Variants in KHDRBS3 observed in about 807,000 individuals in gnomAD.
KHDRBS3 encodes the protein KH RNA binding domain containing, signal transduction associated 3, also known as KH domain-containing, RNA-binding, signal transduction-associated protein 3.
In KHDRBS3, 23 loss-of-function variants were observed where a neutral mutation model predicts 45.6. The ratio of observed to expected loss-of-function variants is 0.50; its 90% CI spans 0.36 to 0.72. The LOEUF (loss-of-function observed/expected upper bound fraction) is 0.72. Ranked by LOEUF, KHDRBS3 falls within the 30% of genes least tolerant of loss-of-function variation. KHDRBS3 has a pLI of 0.00. For missense variants in KHDRBS3, 352 were observed against 424.8 expected, an observed-to-expected ratio of 0.83 and a Z score of 1.51; for synonymous variants, 162 against 156.5, an observed-to-expected ratio of 1.04 and a Z score of -0.26.
intron 7 of KHDRBS3, among the ~76,000 whole-genome samples, chr8:135,635,284 G>A (rs537126446): frequency 1.3e-5 from 2 of 152,348 alleles, no homozygotes; most frequent in East Asian, 1.9e-4. Context: ...TGGAACAACA[G>A]ATGTGTCACT....
chr8:135,653,254 G>T (rs1831466016), intron 4 of KHDRBS3, among the ~76,000 whole-genome samples: 1 of 152,132 alleles, frequency 6.6e-6, no homozygotes, highest in African/African-American at 2.4e-5. Context: ...AAAGATAGAA[G>T]AACCATGTCT....
At chr8:135,640,910 T>C (rs1247348791) in intron 7 of KHDRBS3, among the ~76,000 whole-genome samples, 8 of 152,178 alleles carry the variant, frequency 5.3e-5, no homozygotes, top group Non-Finnish European at 8.8e-5. Flanking sequence ...CTTTGGTTAA[T>C]AGACATTTGA....
chr8:135,548,904 A>C lies in KHDRBS3; in HGVS notation c.471+4A>C. ...AATCAAAAAGTTCCTCATCCCTGTT[A>C]GTACCATTTTTCTTGATAGTTAACT... On this transcript the variant is annotated splice_donor_region_variant and intron_variant, in intron 4 of 8. Transcript: ENST00000355849. 2 of 1,568,976 alleles carry C rather than the reference A, an allele frequency of 1.3e-6. No individual in the cohort carries two copies. Among genetic ancestry groups the C allele is most frequent in the South Asian group, 2.4e-5 (2 of 83,064 alleles).
intron 7 of KHDRBS3, among the ~76,000 whole-genome samples, chr8:135,631,193 G>T (rs1428455131): frequency 7.8e-6 from 1 of 127,810 alleles, no homozygotes; most frequent in Non-Finnish European, 1.6e-5. Context: ...GGAGGTTGTG[G>T]TTAGCTGAGA....
At chr8:135,634,933 T>C (rs1830747414) in intron 7 of KHDRBS3, among the ~76,000 whole-genome samples, 1 of 152,218 alleles carries the variant, frequency 6.6e-6, no homozygotes, top group Non-Finnish European at 1.5e-5. Context: ...AAGCCATGTG[T>C]CCTAGGCCAA....
At position 135,497,266 on chromosome 8, in the gene KHDRBS3, A is replaced by G. The variant is rs1402254716; in HGVS notation, c.89-23971A>G. Among the ~76,000 whole-genome samples, 2 of 152,206 alleles carry G rather than the reference A, an allele frequency of 1.3e-5. 1 individual carries two copies. The highest frequency in any genetic ancestry group is 2.9e-5 in the Non-Finnish European group (2 of 68,038). ...TGCTCTGAGTGCCAGTTGAGTCAGA[A>G]AATCAGCTATGCTGTTAACAGTGGA... is the stretch of plus-strand genomic sequence containing the variant. On this transcript the variant is annotated intron_variant, in intron 1 of 8. Transcript: ENST00000355849.
At chr8:135,604,093 A>G (rs1275514067) in intron 6 of KHDRBS3, among the ~76,000 whole-genome samples, 1 of 151,910 alleles carries the variant, frequency 6.6e-6, no homozygotes, top group African/African-American at 2.4e-5. Context: ...CTCTATTGTT[A>G]CATATATTTT....
chr8:135,601,927 T>TA (rs1228566188), intron 6 of KHDRBS3, among the ~76,000 whole-genome samples: 2 of 152,122 alleles, frequency 1.3e-5, no homozygotes, highest in African/African-American at 4.8e-5. Context: ...GAGCAACCAG[T>TA]GATTCAGAAC....
At chr8:135,499,442 C>T (rs965473102) in intron 1 of KHDRBS3, among the ~76,000 whole-genome samples, 1 of 152,168 alleles carries the variant, frequency 6.6e-6, no homozygotes, top group Non-Finnish European at 1.5e-5. Flanking sequence ...CCTAATCCAC[C>T]TTAATGCTAT....
chr8:135,492,535 T>A (rs558959823), intron 1 of KHDRBS3, among the ~76,000 whole-genome samples: 1 of 126,640 alleles, frequency 7.9e-6, no homozygotes, highest in Non-Finnish European at 1.7e-5. Context: ...ATATATATAT[T>A]TCCTCTAAAA....
intron 7 of KHDRBS3, among the ~76,000 whole-genome samples, chr8:135,614,177 T>A (rs1829820311): frequency 6.6e-6 from 1 of 151,882 alleles, no homozygotes; most frequent in African/African-American, 2.4e-5. Context: ...TATAAACTAT[T>A]CTTTACAATA....
intron 4 of KHDRBS3, among the ~76,000 whole-genome samples, chr8:135,655,308 G>A (rs556141366): frequency 1.1e-4 from 17 of 152,294 alleles, no homozygotes; most frequent in Admixed American, 9.8e-4. Context: ...CTAGAGAAGG[G>A]CAGGGATGGT....
chr8:135,535,297 TATAGTTAA>T, intron 2 of KHDRBS3, among the ~76,000 whole-genome samples: 1 of 114,100 alleles, frequency 8.8e-6, no homozygotes, highest in African/African-American at 3.4e-5. Flanking sequence ...AACTATTATA[TATAGTTAA>T]ACTATATATA....
chr8:135,589,324 TAAGG>T (rs1306037020), intron 6 of KHDRBS3, among the ~76,000 whole-genome samples: 1 of 152,128 alleles, frequency 6.6e-6, no homozygotes, highest in East Asian at 1.9e-4. Flanking sequence ...CCTCCCCCCA[TAAGG>T]AAGAGAGCTA....
intron 1 of KHDRBS3, among the ~76,000 whole-genome samples, chr8:135,481,984 C>T (rs1245043810): frequency 6.6e-6 from 1 of 152,130 alleles, no homozygotes; most frequent in African/African-American, 2.4e-5. Context: ...ATTTCCCGTC[C>T]TGGTGTTTGG....
At chr8:135,579,777 A>AT (rs1344103727) in intron 5 of KHDRBS3, among the ~76,000 whole-genome samples, 1 of 152,086 alleles carries the variant, frequency 6.6e-6, no homozygotes, top group African/African-American at 2.4e-5. Context: ...GGTTACATTG[A>AT]TTTTCTAATA....
chr8:135,569,646 G>T (rs200419467), intron 5 of KHDRBS3, among the ~76,000 whole-genome samples: 6 of 152,068 alleles, frequency 3.9e-5, no homozygotes, highest in South Asian at 2.1e-4. Context: ...ACTGTAGAAC[G>T]TGTGAATCTA....
chr8:135,640,549 C>T (rs1196307153), intron 7 of KHDRBS3, among the ~76,000 whole-genome samples: 1 of 152,132 alleles, frequency 6.6e-6, no homozygotes, highest in African/African-American at 2.4e-5. Flanking sequence ...ATGCTGTCTC[C>T]TGATGTTAGG....
intron 1 of KHDRBS3, among the ~76,000 whole-genome samples, chr8:135,476,678 A>C (rs1822305036): frequency 6.6e-6 from 1 of 152,214 alleles, no homozygotes; most frequent in Non-Finnish European, 1.5e-5. Context: ...CAGAAAGGCT[A>C]ACTAACTCTC....
Sources: gnomAD v4.1 joint callset for allele counts (sites outside exome capture counted in the v4.1 genomes callset) on GRCh38, gnomAD v4.1.1 for gene constraint, MANE v1.5 for transcripts, NCBI Gene and HGNC (gene_info 2026-07-23, HGNC 2026-07-21) for gene names.